FBXL18: variants seen among roughly 807,000 people sequenced by gnomAD.
FBXL18 encodes F-box/LRR-repeat protein 18.
Under a neutral mutation model 46.0 loss-of-function variants are expected in FBXL18, and 36 were observed. That is an observed-to-expected ratio of 0.78 (90% confidence interval 0.60 to 1.03). The LOEUF is 1.03. Ranked by LOEUF, FBXL18 falls within the 50% of genes least tolerant of loss-of-function variation. The pLI, the probability that FBXL18 is intolerant of heterozygous loss-of-function variation, is 0.00. For missense variants in FBXL18, 977 were observed against 1,004.1 expected, an observed-to-expected ratio of 0.97 and a Z score of 0.36; for synonymous variants, 557 against 465.3, an observed-to-expected ratio of 1.20 and a Z score of -2.54.
At position 5,491,212 on chromosome 7, in the gene FBXL18, C is replaced by G; in HGVS notation, c.2000+19G>C. 1.3e-6 allele frequency: 2 copies of G among 1,597,840 alleles called. No individual in the cohort carries two copies. Among genetic ancestry groups the G allele is most frequent in the Non-Finnish European group, 1.7e-6 (2 of 1,171,780 alleles). ...GATTTCTGCGGCCCCTGAAGCTGTA[C>G]GCAACCCACATCACTCACCTGCGGA... On this transcript the variant is annotated intron_variant, in intron 4 of 4. Transcript: ENST00000382368.
At chr7:5,487,216 C>A (rs1281758490) in intron 4 of FBXL18, among the ~76,000 whole-genome samples, 1 of 152,270 alleles carries the variant, frequency 6.6e-6, no homozygotes, top group Non-Finnish European at 1.5e-5. Flanking sequence ...TCGGGCCACA[C>A]TGCCGTGACC....
intron 2 of FBXL18, among the ~76,000 whole-genome samples, chr7:5,504,231 A>G (rs375468971): frequency 1.2e-4 from 18 of 150,884 alleles, no homozygotes; most frequent in African/African-American, 3.9e-4. Context: ...GGAGTTCAAG[A>G]CCAGCCTGGC....
At chr7:5,490,896 T>C (rs1030674377) in intron 4 of FBXL18, among the ~76,000 whole-genome samples, 21 of 152,108 alleles carry the variant, frequency 1.4e-4, no homozygotes, top group African/African-American at 5.1e-4. Flanking sequence ...AAGGCGAAGG[T>C]CGCAGTGAGC....
intron 1 of FBXL18, among the ~76,000 whole-genome samples, chr7:5,512,213 C>G (rs1331415069): frequency 1.3e-5 from 2 of 150,144 alleles, no homozygotes; most frequent in South Asian, 4.2e-4. Flanking sequence ...CCACTGCACT[C>G]CACCCTGGGC....
chr7:5,465,867 G>C (rs1245090001), intron 4 of FBXL18, among the ~76,000 whole-genome samples: 2 of 151,016 alleles, frequency 1.3e-5, no homozygotes, highest in Admixed American at 6.6e-5. Context: ...GCCCAGTCTG[G>C]AGTGCAGGGG....
chr7:5,508,299 T>C (rs993958678), intron 1 of FBXL18, among the ~76,000 whole-genome samples: 8 of 149,068 alleles, frequency 5.4e-5, no homozygotes, highest in African/African-American at 2.0e-4. Context: ...ATACAAAAAT[T>C]ATCTGGGCCT....
Position 5,491,308 on chromosome 7 carries a change from C to G in FBXL18, c.1923G>C (p.Leu641=), listed in dbSNP as rs2128235653. 1 of 1,612,296 alleles carries G rather than the reference C, an allele frequency of 6.2e-7. No homozygotes were observed. Among genetic ancestry groups the G allele is most frequent in the Admixed American group, 1.7e-5 (1 of 59,882 alleles). ...TGAACAGGTGGCACATGACAACCTG[C>G]AGGCAGCGAGCCATGAAGGCCAGCA... The part of the protein sequence containing the change: ...DAVLAFMARC[L]QVVMCHLFTG... Residue 641 remains leucine, a synonymous_variant, in exon 4 of 5, where the codon CTG becomes CTC. Coordinates refer to ENST00000382368, the MANE Select transcript of FBXL18 (RefSeq NM_024963.6).
intron 1 of FBXL18, among the ~76,000 whole-genome samples, chr7:5,512,228 G>C (rs1276789119): frequency 1.4e-5 from 2 of 142,148 alleles, no homozygotes; most frequent in Non-Finnish European, 3.0e-5. Context: ...CTGGGCAACA[G>C]AGCGAGACTC....
At chr7:5,471,192 T>C (rs1314392557), downstream of FBXL18, among the ~76,000 whole-genome samples, 1 of 152,166 alleles carries the variant, frequency 6.6e-6, no homozygotes, top group Admixed American at 6.5e-5. Context: ...TCAGCCGCTG[T>C]GCAGGGCTCC....
At chr7:5,484,554 C>T (rs1384477552) in intron 4 of FBXL18, among the ~76,000 whole-genome samples, 1 of 151,766 alleles carries the variant, frequency 6.6e-6, no homozygotes, top group Non-Finnish European at 1.5e-5. Flanking sequence ...GCTCTATCTC[C>T]CAGACTGGAG....
In FBXL18 at chr7:5,501,801, G is replaced by A. The variant is rs1784270348; in HGVS notation, c.468C>T (p.Gly156=). The A allele has an allele frequency of 6.4e-7, 1 of 1,572,562 alleles. No individual in the cohort carries two copies. Among genetic ancestry groups the A allele is most frequent in the African/African-American group, 1.3e-5 (1 of 74,472 alleles). ...CGCTGCTCAGCTGGCTGGCGTCGAA[G>A]CCGGGGCTCACGTCGATGGCCAGCG... The part of the protein sequence containing the change: ...LRSLAIDVSP[G]FDASQLSSEC... The change falls in exon 3 of 5, where the codon GGC becomes GGT. Residue 156 remains glycine (G), a synonymous_variant. Coordinates refer to ENST00000382368, the MANE Select transcript of FBXL18 (RefSeq NM_024963.6).
chr7:5,471,749 G>A (rs894096822), downstream of FBXL18, among the ~76,000 whole-genome samples: 6 of 152,188 alleles, frequency 3.9e-5, no homozygotes, highest in African/African-American at 1.4e-4. Context: ...TCGACTCCAG[G>A]TACAGACCCC....
chr7:5,510,573 C>G (rs960132751), intron 1 of FBXL18, among the ~76,000 whole-genome samples: 2 of 150,606 alleles, frequency 1.3e-5, no homozygotes, highest in Non-Finnish European at 2.9e-5. Context: ...TCAGTCCCAG[C>G]TATTCAAGAG....
intron 4 of FBXL18, among the ~76,000 whole-genome samples, chr7:5,484,428 C>T (rs1783723691): frequency 6.7e-6 from 1 of 149,738 alleles, no homozygotes; most frequent in Non-Finnish European, 1.5e-5. Flanking sequence ...AGAGATTGCG[C>T]CACTGCACTC....
intron 1 of FBXL18, among the ~76,000 whole-genome samples, chr7:5,510,758 G>A (rs1784512613): frequency 6.6e-6 from 1 of 151,208 alleles, no homozygotes; most frequent in Non-Finnish European, 1.5e-5. Context: ...CACAGGGCCT[G>A]GACTCCTAAG....
chr7:5,504,573 T>G (rs1180260820), intron 2 of FBXL18, among the ~76,000 whole-genome samples: 1 of 142,644 alleles, frequency 7.0e-6, no homozygotes, highest in African/African-American at 2.5e-5. Flanking sequence ...CCCAAAGTGC[T>G]GGGATTACAG....
intron 4 of FBXL18, among the ~76,000 whole-genome samples, chr7:5,464,363 C>T (rs1783310985): frequency 1.3e-5 from 2 of 152,022 alleles, no homozygotes; most frequent in East Asian, 3.9e-4. Flanking sequence ...TCTGTAATCC[C>T]AGCTATTCGG....
At chr7:5,463,726 T>A (rs1260338840) in intron 4 of FBXL18, among the ~76,000 whole-genome samples, 982 of 59,050 alleles carry the variant, frequency 0.017, 60 homozygotes, top group African/African-American at 0.052. Flanking sequence ...ATTTATTTAT[T>A]TATTTTTTTT....
chr7:5,485,803 G>C (rs1304568785), intron 4 of FBXL18, among the ~76,000 whole-genome samples: 1 of 152,118 alleles, frequency 6.6e-6, no homozygotes, highest in Non-Finnish European at 1.5e-5. Context: ...TCTAATCCCA[G>C]AACTTTGGGA....
Sources: allele counts gnomAD v4.1 joint callset (sites outside exome capture counted in the v4.1 genomes callset), GRCh38; gene constraint gnomAD v4.1.1; transcripts MANE v1.5; gene names NCBI Gene and HGNC (gene_info 2026-07-23, HGNC 2026-07-21).